Variants in PECR observed in about 807,000 individuals in gnomAD.
PECR encodes 2,4-dienoyl-CoA reductase-related protein.
In PECR, 30 loss-of-function variants were observed where a neutral mutation model predicts 35.3. That is an observed-to-expected ratio of 0.85 (90% CI 0.64 to 1.15). The LOEUF (loss-of-function observed/expected upper bound fraction) is 1.15. Ranked by LOEUF, PECR falls within the 50% of genes most tolerant of loss-of-function variation. The pLI is 0.00. For missense variants in PECR, 392 were observed against 370.8 expected (o/e 1.06, Z -0.47); for synonymous variants, 148 against 138.9 (o/e 1.07, Z -0.46).
At chr2:216,061,046 C>T (rs1396826568) in intron 3 of PECR, among the ~76,000 whole-genome samples, 1 of 148,448 alleles carries the variant, frequency 6.7e-6, no homozygotes, top group Non-Finnish European at 1.5e-5. Flanking sequence ...TATCCCAGCA[C>T]TTTGAGAGGC....
Position 216,066,573 on chromosome 2 carries a change from C to G in PECR, c.125-55G>C, listed in dbSNP as rs1023319327. 8 of 1,531,012 alleles carry G rather than the reference C, an allele frequency of 5.2e-6. No individual in the cohort carries two copies. The African/African-American group carries it at 9.9e-5, about 19-fold the overall frequency. The allele number at this position is 1,531,012 out of a possible 1,614,324, so 94.8% of individuals were successfully genotyped here. On this transcript the variant is annotated intron_variant, in intron 1 of 7. Coordinates refer to ENST00000265322, the MANE Select transcript of PECR (RefSeq NM_018441.6). ...ATATGCCTTCATGGGATGCAATGAC[C>G]ACATTACACCTTGAAAAGTAAACCG...
At position 216,065,406 on chromosome 2, in the gene PECR, G is replaced by A. The variant is rs1161077582; in HGVS notation, c.330C>T (p.Gly110=). ...TGTGTTCAGCAGGGGAAAGAAACTGGCCTCCTCCATTGTTCACCAAGAAAT... is the reference window on the plus strand; with the variant it reads ...TGTGTTCAGCAGGGGAAAGAAACTGACCTCCTCCATTGTTCACCAAGAAAT... The part of the protein sequence containing the change: ...KINFLVNNGG[G]QFLSPAEHIS... Residue 110 remains glycine, a synonymous_variant, in exon 3 of 8, where the codon GGC becomes GGT. Coordinates refer to ENST00000265322, the MANE Select transcript of PECR (RefSeq NM_018441.6). The A allele has an allele frequency of 1.2e-6, 2 of 1,607,278 alleles. No homozygotes were observed. Among genetic ancestry groups the A allele is most frequent in the African/African-American group, 1.3e-5 (1 of 74,798 alleles).
chr2:216,040,286 A>G (rs62181275), intron 7 of PECR, among the ~76,000 whole-genome samples: 28,016 of 152,066 alleles, frequency 0.18, 3,055 homozygotes, highest in Non-Finnish European at 0.25. Flanking sequence ...TTTTTGAGAC[A>G]GGGTCTTGCT....
intron 3 of PECR, among the ~76,000 whole-genome samples, chr2:216,064,713 CTT>C (rs1431882276): frequency 6.6e-6 from 1 of 152,182 alleles, no homozygotes; most frequent in Non-Finnish European, 1.5e-5. Context: ...AGACCTCTGA[CTT>C]GTAGATACTA....
At position 216,045,596 on chromosome 2, in the gene PECR, T is replaced by A. The variant is rs1574679002; in HGVS notation, c.715-1581A>T. Among the ~76,000 whole-genome samples the A allele has an allele frequency of 2.0e-5, 3 of 152,370 alleles. No homozygotes were observed. In the South Asian group the frequency reaches 6.2e-4, roughly 32 times the overall value. On this transcript the variant is annotated intron_variant, in intron 6 of 7. Transcript: ENST00000265322. Reference sequence around the variant, plus strand: ...AAGTTTAAAATTACAAATGTGACTATTAGTATATTTCTACTGGACAGGGCT... The same window carrying A: ...AAGTTTAAAATTACAAATGTGACTAATAGTATATTTCTACTGGACAGGGCT...
At position 216,048,919 on chromosome 2, in the gene PECR, G is replaced by A. The variant is rs140289016; in HGVS notation, c.714+344C>T. ...GATTTTACAGACTTCAACCTTAACCGAAATCTCATGTGGAACTTCATATGG... is the reference window on the plus strand; with the variant it reads ...GATTTTACAGACTTCAACCTTAACCAAAATCTCATGTGGAACTTCATATGG... On this transcript the variant is annotated intron_variant, in intron 6 of 7. Coordinates refer to ENST00000265322, the MANE Select transcript of PECR (RefSeq NM_018441.6). 3.4e-3 allele frequency among the ~76,000 whole-genome samples: 509 copies of A among 147,666 alleles called. 5 individuals are homozygous for A. Among genetic ancestry groups the A allele is most frequent in the African/African-American group, 0.012 (488 of 40,024 alleles).
At chr2:216,075,909 A>C (rs1027710711) in intron 1 of PECR, among the ~76,000 whole-genome samples, 6 of 152,166 alleles carry the variant, frequency 3.9e-5, no homozygotes, top group Non-Finnish European at 8.8e-5. Context: ...TTTATGTTCT[A>C]CTGTAGTAAC....
At chr2:216,053,819 T>TA (rs1695170149) in intron 4 of PECR, among the ~76,000 whole-genome samples, 1 of 152,142 alleles carries the variant, frequency 6.6e-6, no homozygotes, top group Non-Finnish European at 1.5e-5. Flanking sequence ...CTAGCTTCCC[T>TA]AAAAAATGGA....
At chr2:216,030,988 A>C (rs1694679172) in intron 7 of PECR, among the ~76,000 whole-genome samples, 1 of 150,884 alleles carries the variant, frequency 6.6e-6, no homozygotes, top group African/African-American at 2.5e-5. Flanking sequence ...ACACACACAC[A>C]CACACACTCT....
At position 216,078,034 on chromosome 2, in the gene PECR, A is replaced by G. The variant is rs115660515; in HGVS notation, c.124+3584T>C. Among the ~76,000 whole-genome samples, 1,002 of 151,200 alleles carry G rather than the reference A, an allele frequency of 6.6e-3. 7 individuals carry two copies. Among genetic ancestry groups the G allele is most frequent in the African/African-American group, 0.023 (931 of 41,324 alleles). On this transcript the variant is annotated intron_variant, in intron 1 of 7. Transcript: ENST00000265322. ...GTATTTTTCGTTAAAAAAAAAAAAA[A>G]GCAAAAATATCATCATTTTAAAAAC...
intron 3 of PECR, 31 bp downstream of exon 3, chr2:216,065,281 A>G: frequency 1.3e-6 from 2 of 1,493,250 alleles, no homozygotes; most frequent in Non-Finnish European, 1.9e-6. Flanking sequence ...AAATAAAGAC[A>G]TGTTGACTTG....
chr2:216,073,618 TTTA>T (rs1482014998), intron 1 of PECR, among the ~76,000 whole-genome samples: 6 of 151,914 alleles, frequency 3.9e-5, no homozygotes, highest in Non-Finnish European at 8.8e-5. Context: ...ATCTTTTATT[TTTA>T]TTATATCTTT....
At chr2:216,049,182 A>G (rs1214809668) in intron 6 of PECR, 81 bp downstream of exon 6, 9 of 793,016 alleles carry the variant, frequency 1.1e-5, no homozygotes, top group Non-Finnish European at 1.6e-5. Flanking sequence ...TGTCGTCCAG[A>G]CCGCATAAAA....
At chr2:216,074,981 T>C (rs927215620) in intron 1 of PECR, among the ~76,000 whole-genome samples, 6 of 152,170 alleles carry the variant, frequency 3.9e-5, no homozygotes, top group Admixed American at 6.6e-5. Context: ...AATACTACCA[T>C]TGAAAAACAC....
In PECR at chr2:216,058,410, G is replaced by A. The variant is rs142810510; in HGVS notation, c.506+485C>T. ...TGTCTGTGTACAGAGTGGCTAATCA[G>A]AGGCACAAAACCTTAGAAACTTTTG... On this transcript the variant is annotated intron_variant, in intron 4 of 7. Transcript: ENST00000265322. Among the ~76,000 whole-genome samples, 1,126 of 152,252 alleles carry A rather than the reference G, an allele frequency of 7.4e-3. 18 individuals are homozygous for A. The highest frequency in any genetic ancestry group is 0.026 in the African/African-American group (1,068 of 41,498).
intron 1 of PECR, among the ~76,000 whole-genome samples, chr2:216,071,283 T>C (rs1184234713): frequency 6.6e-6 from 1 of 152,224 alleles, no homozygotes; most frequent in Admixed American, 6.5e-5. Flanking sequence ...AGGCATGCCG[T>C]TGCCAAAGCA....
intron 7 of PECR, among the ~76,000 whole-genome samples, chr2:216,030,127 A>G (rs974306447): frequency 2.6e-5 from 4 of 152,256 alleles, no homozygotes; most frequent in African/African-American, 9.6e-5. Context: ...TTGTTCTAAA[A>G]TACTTATAAA....
intron 6 of PECR, among the ~76,000 whole-genome samples, chr2:216,047,361 C>G (rs967953706): frequency 6.6e-6 from 1 of 151,924 alleles, no homozygotes; most frequent in Non-Finnish European, 1.5e-5. Flanking sequence ...TAGTTCTAAG[C>G]ATGATAACTC....
intron 1 of PECR, among the ~76,000 whole-genome samples, chr2:216,067,895 G>A (rs1695498320): frequency 6.6e-6 from 1 of 152,046 alleles, no homozygotes; most frequent in Non-Finnish European, 1.5e-5. Context: ...CAAGGAACAG[G>A]AAAATAGCAG....
Sources: allele counts gnomAD v4.1 joint callset (sites outside exome capture counted in the v4.1 genomes callset), GRCh38; gene constraint gnomAD v4.1.1; transcripts MANE v1.5; gene names NCBI Gene and HGNC (gene_info 2026-07-23, HGNC 2026-07-21).